Variants in CD5L observed in about 807,000 individuals in gnomAD.
CD5L encodes the protein CD5 molecule like.
In CD5L, 39 loss-of-function variants were observed where a neutral mutation model predicts 40.8. The observed-to-expected ratio is 0.96, with a 90% CI of 0.74 to 1.25. The LOEUF is 1.25. Ranked by LOEUF, CD5L falls within the 50% of genes most tolerant of loss-of-function variation. The pLI is 0.00. For synonymous variants in CD5L, 192 were observed against 169.6 expected, an observed-to-expected ratio of 1.13 and a Z score of -1.03; for missense variants, 433 against 435.9, an observed-to-expected ratio of 0.99 and a Z score of 0.06.
Position 157,831,885 on chromosome 1 carries a change from T to G in CD5L, c.*79A>C. ...GCTCAAGCCTGAGCCCCAGAATGAG[T>G]ATGAGGATAATCAGGGCTCAGGAGA... On this transcript the variant is annotated 3_prime_UTR_variant, in exon 6 of 6. Coordinates refer to ENST00000368174, the MANE Select transcript of CD5L (RefSeq NM_005894.3). The G allele has an allele frequency of 6.6e-7, 1 of 1,510,680 alleles. No individual in the cohort carries two copies. The highest frequency in any genetic ancestry group is 1.4e-5 in the South Asian group (1 of 70,148). The allele number at this position is 1,510,680 out of a possible 1,614,324, so 93.6% of individuals were successfully genotyped here. A position where few individuals can be genotyped will look rare whatever the true frequency, so the allele number is the denominator to read the frequency against.
chr1:157,840,836 C>T (rs1656352149), intron 1 of CD5L, among the ~76,000 whole-genome samples: 1 of 152,140 alleles, frequency 6.6e-6, no homozygotes, highest in Non-Finnish European at 1.5e-5. Flanking sequence ...AGGGGCAGGA[C>T]TAGCCGTTGA....
downstream of CD5L, among the ~76,000 whole-genome samples, chr1:157,828,352 G>T (rs562431237): frequency 3.9e-5 from 6 of 152,188 alleles, no homozygotes; most frequent in South Asian, 1.2e-3. Context: ...AAAGATATCA[G>T]TCTCATGCTT....
rs1321535749 is a variant in CD5L, at chr1:157,831,414, G to A, written c.*550C>T. On this transcript the variant is annotated 3_prime_UTR_variant, in exon 6 of 6. Coordinates refer to ENST00000368174, the MANE Select transcript of CD5L (RefSeq NM_005894.3). The stretch of plus-strand genomic sequence containing the variant: ...AGAAATAACAGAATAGGGAGGTGTT[G>A]CTATTGTGGTCACCTGAAGCTTGAG... The A allele has an allele frequency of 1.0e-6, 1 of 984,440 alleles. No individual in the cohort carries two copies. The highest frequency in any genetic ancestry group is 1.8e-5 in the African/African-American group (1 of 56,966). 61.0% of individuals were successfully genotyped at this position (984,440 alleles called of 1,614,324 possible).
rs1277811041 is a variant in CD5L at position 157,834,423 on chromosome 1, C to CGT, written c.700_701dup (p.Trp235ArgfsTer11). ...AGGCATTACCTTCACATTCGACCCACGTGTCTTCATCATGGTTGCAGGTGT... is the reference window on the plus strand; with the variant it reads ...AGGCATTACCTTCACATTCGACCCACGTGTGTCTTCATCATGGTTGCAGGTGT... On this transcript the variant is annotated frameshift_variant, in exon 4 of 6. Coordinates refer to ENST00000368174, the MANE Select transcript of CD5L (RefSeq NM_005894.3). LOFTEE classifies it high-confidence loss of function. 3.1e-6 allele frequency: 5 copies of CGT among 1,613,294 alleles called. No homozygotes were observed. The highest frequency in any genetic ancestry group is 4.2e-6 in the Non-Finnish European group (5 of 1,179,498).
chr1:157,828,793 G>A, downstream of CD5L, among the ~76,000 whole-genome samples: 1 of 152,190 alleles, frequency 6.6e-6, no homozygotes, highest in Non-Finnish European at 1.5e-5. Flanking sequence ...TAAGCTAAAT[G>A]TTGGATTAAA....
chr1:157,837,169 C>T lies in CD5L; in HGVS notation c.56-1014G>A, dbSNP rs116636317. Among the ~76,000 whole-genome samples the T allele has an allele frequency of 9.3e-3, 1,415 of 151,896 alleles. 21 individuals carry two copies. The highest frequency in any genetic ancestry group is 0.032 in the African/African-American group (1,330 of 41,384). ...TCAGGATTTGGAGGTTGTAGTGAGC[C>T]GAGATCATGCCACTGCACTCCAGCC... On this transcript the variant is annotated intron_variant, in intron 2 of 5. Coordinates refer to ENST00000368174, the MANE Select transcript of CD5L (RefSeq NM_005894.3).
rs1206842595 is a variant in CD5L, at chr1:157,834,519, C to A, written c.606G>T (p.Trp202Cys). ...NKHAYGRKPI[W>C]LSQMSCSGRE... ...GTCCTGAGCATGACATCTGGCTCAG[C>A]CAGATGGGTTTTCGGCCATAGGCAT... Residue 202 changes from tryptophan (W) to cysteine (C), a missense_variant, in exon 4 of 6, where the codon TGG (tryptophan) becomes TGT (cysteine). Coordinates refer to ENST00000368174, the MANE Select transcript of CD5L (RefSeq NM_005894.3). 6 of 1,614,120 alleles carry A rather than the reference C, an allele frequency of 3.7e-6. No homozygotes were observed. The East Asian group carries it at 6.7e-5, about 18-fold the overall frequency.
chr1:157,836,256 G>T (rs148850030), intron 2 of CD5L, 101 bp from the exon 3 acceptor site: 30 of 946,508 alleles, frequency 3.2e-5, no homozygotes, highest in Middle Eastern at 4.4e-4. Flanking sequence ...TTCAAATGGT[G>T]CAGAGTGTTG....
chr1:157,830,021 A>G (rs534367398), downstream of CD5L, among the ~76,000 whole-genome samples: 109 of 152,138 alleles, frequency 7.2e-4, no homozygotes, highest in Non-Finnish European at 1.4e-3. Flanking sequence ...CTCTGAAGCT[A>G]GGTTTCTCTA....
chr1:157,834,993 C>A, intron 3 of CD5L, among the ~76,000 whole-genome samples: 1 of 152,192 alleles, frequency 6.6e-6, no homozygotes, highest in East Asian at 1.9e-4. Context: ...AAATTGTTTT[C>A]ATGTTCAACT....
chr1:157,833,179 C>A lies in CD5L; in HGVS notation c.1039+13G>T. 1.2e-6 allele frequency: 2 copies of A among 1,600,316 alleles called. No individual in the cohort carries two copies. The highest frequency in any genetic ancestry group is 1.1e-5 in the South Asian group (1 of 89,654). On this transcript the variant is annotated intron_variant, in intron 5 of 5. Transcript: ENST00000368174. ...CCTTGCCAGCCCTTATGAACTCCAT[C>A]TGTAGGACTCACCTGAGCAGATGAC...
Position 157,833,459 on chromosome 1 carries a change from C to T in CD5L, c.772G>A (p.Glu258Lys), listed in dbSNP as rs752338688. Residue 258 changes from glutamate (E) to lysine (K), a missense_variant, in exon 5 of 6, where the codon GAG (glutamate) becomes AAG (lysine). By Grantham distance (56) the Glu-to-Lys change is moderately conservative (BLOSUM62 1). Transcript: ENST00000368174. ...CCCCATACGCCCTTGTGCAGCACCT[C>T]CAGTCGCCCAGAGCAGAGGTTGTCT... ...GGDNLCSGRL[E>K]VLHKGVWGSV... 1.9e-6 allele frequency: 3 copies of T among 1,614,152 alleles called. No homozygotes were observed. The highest frequency in any genetic ancestry group is 1.1e-5 in the South Asian group (1 of 91,072).
intron 5 of CD5L, among the ~76,000 whole-genome samples, chr1:157,832,281 G>T (rs1373721522): frequency 6.6e-6 from 1 of 152,190 alleles, no homozygotes; most frequent in Non-Finnish European, 1.5e-5. Context: ...AAACACTTAG[G>T]TTCTGAGGAG....
At chr1:157,831,997 G>A in intron 5 of CD5L, 29 bp from the exon 6 acceptor site, 7 of 1,516,914 alleles carry the variant, frequency 4.6e-6, no homozygotes, top group South Asian at 1.2e-5. Context: ...AATGCAGTAA[G>A]GATGGGTATA....
In CD5L at chr1:157,833,494, A is replaced by T. The variant is rs776724867; in HGVS notation, c.737T>A (p.Leu246Gln). 5 of 1,611,440 alleles carry T rather than the reference A, an allele frequency of 3.1e-6. No homozygotes were observed. The highest frequency in any genetic ancestry group is 4.2e-6 in the Non-Finnish European group (5 of 1,177,986). The change falls in exon 5 of 6, where the codon CTA (leucine) becomes CAA (glutamine). Residue 246 changes from leucine to glutamine, a missense_variant. Physicochemically the swap from Leu to Gln is moderately radical, Grantham distance 113 (BLOSUM62 -2). Transcript: ENST00000368174. ...VECEDPFDLR[L>Q]VGGDNLCSGR... The stretch of plus-strand genomic sequence containing the variant: ...AGAGCAGAGGTTGTCTCCTCCTACT[A>T]GTCTCAAGTCAAAGGGATCTGCAGG...
At chr1:157,840,383 C>A (rs188807163) in intron 1 of CD5L, among the ~76,000 whole-genome samples, 66 of 152,310 alleles carry the variant, frequency 4.3e-4, no homozygotes, top group African/African-American at 1.5e-3. Flanking sequence ...ACACCCACCA[C>A]CCCCATCTTA....
intron 4 of CD5L, 47 bp from the exon 5 acceptor site, chr1:157,833,559 G>A (rs1261330751): frequency 7.0e-7 from 1 of 1,420,196 alleles, no homozygotes. Context: ...GGAAGGGAAA[G>A]GAGAAAAAAT....
At chr1:157,832,063 G>T (rs1656065800) in intron 5 of CD5L, 95 bp from the exon 6 acceptor site, 1 of 984,396 alleles carries the variant, frequency 1.0e-6, no homozygotes, top group Non-Finnish European at 1.5e-6. Context: ...GAAGACTGGG[G>T]CTCAACATAG....
downstream of CD5L, among the ~76,000 whole-genome samples, chr1:157,827,268 ATGTGTGTGTGTGTGTGTGTGTGTGTG>A (rs4060881): frequency 1.4e-5 from 2 of 143,416 alleles, no homozygotes; most frequent in East Asian, 4.1e-4. Flanking sequence ...CAAATGGTGT[ATGTGTGTGTGTGTGTGTGTGTGTGTG>A]TGTGTGTGTG....
Sources: allele counts gnomAD v4.1 joint callset (sites outside exome capture counted in the v4.1 genomes callset), GRCh38; gene constraint gnomAD v4.1.1; transcripts MANE v1.5; gene names NCBI Gene and HGNC (gene_info 2026-07-23, HGNC 2026-07-21).